CYP4F22: variants seen among roughly 807,000 people sequenced by gnomAD.
The protein encoded by CYP4F22 is cytochrome P450 family 4 subfamily F member 22.
In CYP4F22, 37 loss-of-function variants were observed where a neutral mutation model predicts 60.4. The ratio of observed to expected loss-of-function variants is 0.61; its 90% confidence interval spans 0.47 to 0.81. The LOEUF is 0.81. Ranked by LOEUF, CYP4F22 falls within the 30% of genes least tolerant of loss-of-function variation. The pLI is 0.00. For synonymous variants in CYP4F22, 258 were observed against 280.5 expected (o/e 0.92, Z 0.80); for missense variants, 655 against 715.0 (o/e 0.92, Z 0.96).
chr19:15,536,710 C>A (rs1971398355), intron 4 of CYP4F22, among the ~76,000 whole-genome samples: 1 of 152,120 alleles, frequency 6.6e-6, no homozygotes, highest in Non-Finnish European at 1.5e-5. Flanking sequence ...CAGAGGTGAT[C>A]CACAGCAGGC....
chr19:15,543,896 T>G (rs1255792657), intron 8 of CYP4F22, 75 bp from the exon 9 acceptor site: 33 of 1,401,044 alleles, frequency 2.4e-5, no homozygotes, highest in Non-Finnish European at 3.2e-5. Flanking sequence ...CGGGGAGATA[T>G]CTGAGTTTTG....
chr19:15,518,647 C>CAAAAAA (rs748509278), intron 1 of CYP4F22, among the ~76,000 whole-genome samples: 2 of 23,456 alleles, frequency 8.5e-5, no homozygotes, highest in African/African-American at 1.6e-4. Flanking sequence ...GACTTTGTCT[C>CAAAAAA]AAAAAAAAAA....
chr19:15,525,597 G>A, intron 3 of CYP4F22, 39 bp downstream of exon 3: 1 of 1,585,352 alleles, frequency 6.3e-7, no homozygotes, highest in South Asian at 1.1e-5. Context: ...GGCTGGGCTG[G>A]GCATGTGCAG....
At chr19:15,514,549 G>T (rs1425020007) in intron 1 of CYP4F22, among the ~76,000 whole-genome samples, 1 of 152,090 alleles carries the variant, frequency 6.6e-6, no homozygotes. Context: ...AGCTGGGTGT[G>T]GTGGCCCAGC....
intron 10 of CYP4F22, among the ~76,000 whole-genome samples, chr19:15,545,648 CAAAAAAAAA>C (rs1217096575): frequency 3.7e-3 from 144 of 38,956 alleles, no homozygotes; most frequent in Non-Finnish European, 5.3e-3. Context: ...GACCCTGTCT[CAAAAAAAAA>C]AAAAAAAAAA....
At chr19:15,550,589 C>T in intron 12 of CYP4F22, 85 bp from the exon 13 acceptor site, 1 of 1,404,626 alleles carries the variant, frequency 7.1e-7, no homozygotes, top group Admixed American at 1.7e-5. Flanking sequence ...TCCATCTTTA[C>T]TGACCCCCAG....
chr19:15,539,340 C>T (rs1971432800), intron 7 of CYP4F22, among the ~76,000 whole-genome samples: 1 of 152,174 alleles, frequency 6.6e-6, no homozygotes, highest in African/African-American at 2.4e-5. Flanking sequence ...GTTTTAAAGG[C>T]TCATCCATAT....
At chr19:15,513,600 G>A (rs1005488340) in intron 1 of CYP4F22, among the ~76,000 whole-genome samples, 9 of 152,044 alleles carry the variant, frequency 5.9e-5, no homozygotes, top group African/African-American at 2.2e-4. Context: ...TCCTGACCTC[G>A]TGATCTGCCC....
chr19:15,512,992 TTCTCTCTC>T (rs146066093), intron 1 of CYP4F22, among the ~76,000 whole-genome samples: 7,168 of 148,168 alleles, frequency 0.048, 598 homozygotes, highest in African/African-American at 0.17. Context: ...CTCAAAGCTT[TTCTCTCTC>T]TCTCTCTCTC....
chr19:15,540,820 C>T (rs1410496285), intron 8 of CYP4F22, 103 bp downstream of exon 8: 1 of 1,452,320 alleles, frequency 6.9e-7, no homozygotes, highest in South Asian at 1.2e-5. Context: ...CGTGGTGGCT[C>T]ACACGTGTAA....
chr19:15,509,862 T>TTCCC (rs1971062733), intron 1 of CYP4F22, among the ~76,000 whole-genome samples: 1 of 78,634 alleles, frequency 1.3e-5, no homozygotes, highest in Non-Finnish European at 2.6e-5. Flanking sequence ...CTCTCCTTCC[T>TTCCC]TCCTTCCTTC....
intron 3 of CYP4F22, 149 bp from the exon 4 acceptor site, chr19:15,529,560 T>C: frequency 2.0e-6 from 2 of 1,005,362 alleles, no homozygotes; most frequent in South Asian, 2.8e-5. Flanking sequence ...GATGAGGAAA[T>C]GGAGGCCCAG....
chr19:15,535,122 C>A (rs1028203792), intron 4 of CYP4F22, among the ~76,000 whole-genome samples: 1 of 152,170 alleles, frequency 6.6e-6, no homozygotes, highest in East Asian at 1.9e-4. Context: ...AGTGACTAGA[C>A]TCCTGCTTTC....
At chr19:15,518,496 A>T (rs1387438630) in intron 1 of CYP4F22, among the ~76,000 whole-genome samples, 1 of 148,442 alleles carries the variant, frequency 6.7e-6, no homozygotes, top group African/African-American at 2.6e-5. Flanking sequence ...AAAAAAAAAA[A>T]AAATTACCTG....
chr19:15,519,357 C>CG (rs1189562162), intron 1 of CYP4F22, among the ~76,000 whole-genome samples: 9 of 151,694 alleles, frequency 5.9e-5, no homozygotes, highest in Non-Finnish European at 7.4e-5. Context: ...CTGCCTCCCA[C>CG]GCTCAAGCGA....
chr19:15,546,759 C>T (rs1305622158), intron 10 of CYP4F22, among the ~76,000 whole-genome samples: 4 of 151,362 alleles, frequency 2.6e-5, no homozygotes, highest in African/African-American at 9.7e-5. Flanking sequence ...TTCTTTCTTT[C>T]TTTTTTTGAG....
In CYP4F22 at chr19:15,550,690, G is replaced by A. The variant is rs144961059; in HGVS notation, c.1352G>A (p.Arg451His). The change falls in exon 13 of 14, where the codon CGC (arginine) becomes CAC (histidine). Residue 451 changes from arginine (R) to histidine (H), a missense_variant. Coordinates refer to ENST00000269703, the MANE Select transcript of CYP4F22 (RefSeq NM_173483.4). ...WPDSKVYNPY[R>H]FDPDNPQQRS... ...CCTCCCTAGGTGTACAACCCCTACC[G>A]CTTTGACCCGGACAACCCACAGCAG... The A allele has an allele frequency of 1.6e-4, 263 of 1,613,986 alleles. No individual in the cohort carries two copies. Among genetic ancestry groups the A allele is most frequent in the Non-Finnish European group, 2.1e-4 (244 of 1,180,034 alleles).
intron 3 of CYP4F22, among the ~76,000 whole-genome samples, chr19:15,526,747 CTTT>C (rs751050534): frequency 2.2e-5 from 3 of 134,426 alleles, no homozygotes; most frequent in Non-Finnish European, 1.6e-5. Flanking sequence ...TAGACTTTTC[CTTT>C]TTTTTTTTTT....
At chr19:15,535,269 C>A (rs1971383382) in intron 4 of CYP4F22, among the ~76,000 whole-genome samples, 2 of 152,238 alleles carry the variant, frequency 1.3e-5, no homozygotes, top group African/African-American at 4.8e-5. Context: ...TCCTGCCCCA[C>A]TCAGGAGCTC....
Sources: gnomAD v4.1 joint callset for allele counts (sites outside exome capture counted in the v4.1 genomes callset) on GRCh38, gnomAD v4.1.1 for gene constraint, MANE v1.5 for transcripts, NCBI Gene and HGNC (gene_info 2026-07-23, HGNC 2026-07-21) for gene names.